SNX19: variants seen among roughly 807,000 people sequenced by gnomAD.
SNX19 encodes sorting nexin-19.
A neutral mutation model predicts 85.2 loss-of-function variants in SNX19; 60 were observed. The ratio of observed to expected loss-of-function variants is 0.70; its 90% CI spans 0.57 to 0.87. The LOEUF is 0.87. Among genes scored for constraint, SNX19 ranks in the 40% least tolerant of loss-of-function variants. The pLI, the probability that SNX19 is intolerant of heterozygous loss-of-function variation, is 0.00. For missense variants in SNX19, 1,201 were observed against 1,217.8 expected (o/e 0.99, Z 0.21); for synonymous variants, 520 against 470.0 (o/e 1.11, Z -1.38).
chr11:130,914,604 C>G lies in SNX19; in HGVS notation c.1336G>C (p.Glu446Gln). ...LPVSTLNSCP[E>Q]IHIDTADKEI... ...TTGTCTGCTGTGTCAATATGGATCT[C>G]TGGGCAGGAATTCAGTGTGGAGACC... The change falls in exon 1 of 11, where the codon GAG (glutamate) becomes CAG (glutamine). Residue 446 changes from glutamate to glutamine, a missense_variant. Glu to Gln is a conservative substitution (Grantham distance 29). Coordinates refer to ENST00000265909, the MANE Select transcript of SNX19 (RefSeq NM_014758.3). 1 of 1,613,984 alleles carries G rather than the reference C, an allele frequency of 6.2e-7. No individual in the cohort carries two copies. The highest frequency in any genetic ancestry group is 1.1e-5 in the South Asian group (1 of 91,078).
intron 8 of SNX19, among the ~76,000 whole-genome samples, chr11:130,898,301 GATA>G (rs1238426811): frequency 1.3e-5 from 2 of 152,178 alleles, no homozygotes; most frequent in Non-Finnish European, 2.9e-5. Flanking sequence ...CCTGCTTGGG[GATA>G]ATAATACTGG....
In SNX19 at chr11:130,906,631, G is replaced by T. The variant is rs371671745; in HGVS notation, c.2256C>A (p.Gly752=). Residue 752 remains glycine, a synonymous_variant, in exon 6 of 11, where the codon GGC becomes GGA. Coordinates refer to ENST00000265909, the MANE Select transcript of SNX19 (RefSeq NM_014758.3). The stretch of plus-strand genomic sequence containing the variant: ...TCTGGGTTTTGGTTCTTACCACATT[G>T]CCTTCCTGGAGACAATAAAGAATCT... ...QDKILYCLQE[G]NVESETLSMS... The T allele has an allele frequency of 9.9e-6, 16 of 1,610,352 alleles. No homozygotes were observed. In the African/African-American group the frequency reaches 2.0e-4, roughly 20 times the overall value.
rs1168012299 is a variant in SNX19, at chr11:130,915,998, T to C, written c.-59A>G. On this transcript the variant is annotated 5_prime_UTR_variant, in exon 1 of 11. Transcript: ENST00000265909. ...AGCCCTCAAGATTTTACTTCAGAGTTAGGGAAGGGGGGCATGAACTGTGTC... is the reference window on the plus strand; with the variant it reads ...AGCCCTCAAGATTTTACTTCAGAGTCAGGGAAGGGGGGCATGAACTGTGTC... 1 of 1,467,212 alleles carries C rather than the reference T, an allele frequency of 6.8e-7. No homozygotes were observed. The highest frequency in any genetic ancestry group is 2.4e-5 in the East Asian group (1 of 41,708). The allele number at this position is 1,467,212 out of a possible 1,614,324, so 90.9% of individuals were successfully genotyped here.
chr11:130,887,244 TA>T (rs1484476681), intron 8 of SNX19, among the ~76,000 whole-genome samples: 2 of 152,304 alleles, frequency 1.3e-5, no homozygotes, highest in Non-Finnish European at 2.9e-5. Flanking sequence ...TAATATGTAT[TA>T]AAAAATGGAA....
chr11:130,887,426 A>G (rs1944169652), intron 8 of SNX19, among the ~76,000 whole-genome samples: 1 of 152,222 alleles, frequency 6.6e-6, no homozygotes, highest in Admixed American at 6.5e-5. Flanking sequence ...AGGTTATTTT[A>G]TCCAGTCTCC....
At chr11:130,899,278 A>G (rs1441271405) in intron 8 of SNX19, among the ~76,000 whole-genome samples, 1 of 152,226 alleles carries the variant, frequency 6.6e-6, no homozygotes, top group Non-Finnish European at 1.5e-5. Flanking sequence ...AAAATGTGTT[A>G]GCTCCATGTC....
intron 4 of SNX19, chr11:130,908,333 C>G: frequency 3.3e-6 from 1 of 307,344 alleles, no homozygotes; most frequent in Non-Finnish European, 6.0e-6. Context: ...GAAAAGAAGC[C>G]AAAACCAATA....
rs1051491903 is a variant in SNX19, at chr11:130,866,498, A to G, written c.*11924T>C. ...CGTGCCCATTGCAATGAGTTACCCA[A>G]TCAAGCCCTTTTACCTCCTTAAGAT... On this transcript the variant is annotated 3_prime_UTR_variant, in exon 11 of 11. Transcript: ENST00000265909. 8 of 152,204 alleles carry G rather than the reference A, an allele frequency of 5.3e-5. No homozygotes were observed. The highest frequency in any genetic ancestry group is 1.2e-4 in the Non-Finnish European group (8 of 68,036). 9.4% of individuals were successfully genotyped at this position (152,204 alleles called of 1,614,324 possible). A position where few individuals can be genotyped will look rare whatever the true frequency, so the allele number is the denominator to read the frequency against.
chr11:130,900,227 T>G (rs926858158), intron 8 of SNX19, among the ~76,000 whole-genome samples: 6 of 152,216 alleles, frequency 3.9e-5, no homozygotes, highest in Non-Finnish European at 8.8e-5. Flanking sequence ...GAGGATGGCT[T>G]GAGCCCAGGA....
Position 130,880,724 on chromosome 11 carries a change from G to A in SNX19, c.2656C>T (p.Pro886Ser), listed in dbSNP as rs1025533099. 4.3e-6 allele frequency: 7 copies of A among 1,612,176 alleles called. No homozygotes were observed. Among genetic ancestry groups the A allele is most frequent in the Non-Finnish European group, 5.1e-6 (6 of 1,178,522 alleles). Residue 886 changes from proline (P) to serine (S), a missense_variant, in exon 9 of 11, where the codon CCT becomes TCT. Pro to Ser is a moderately conservative substitution (Grantham distance 74, BLOSUM62 -1). Coordinates refer to ENST00000265909, the MANE Select transcript of SNX19 (RefSeq NM_014758.3). ...YLLLLQESIW[P>S]GGVLPKFPRP... ...GGAAACTTAGGCAAAACTCCACCAG[G>A]CCAGATGGACTCCTGAAGAAGCAGG...
Position 130,916,348 on chromosome 11 carries a change from C to A in SNX19, c.-409G>T, listed in dbSNP as rs1946582732. ...CCGGGAACCGCGCGCCCACACTCAG[C>A]CCCGACCTGAAGTGGACTCATCGCG... On this transcript the variant is annotated 5_prime_UTR_variant, in exon 1 of 11. Coordinates refer to ENST00000265909, the MANE Select transcript of SNX19 (RefSeq NM_014758.3). 1.0e-5 allele frequency: 2 copies of A among 192,426 alleles called. No homozygotes were observed. The highest frequency in any genetic ancestry group is 1.1e-4 in the Admixed American group (2 of 18,876). 11.9% of individuals were successfully genotyped at this position (192,426 alleles called of 1,614,324 possible). A position where few individuals can be genotyped will look rare whatever the true frequency, so the allele number is the denominator to read the frequency against.
intron 8 of SNX19, among the ~76,000 whole-genome samples, chr11:130,900,213 G>A (rs1945167810): frequency 6.6e-6 from 1 of 152,192 alleles, no homozygotes; most frequent in Admixed American, 6.5e-5. Flanking sequence ...GGAGGCTGAG[G>A]TGGGAGGATG....
In SNX19 at chr11:130,914,582, TCTG is replaced by T; in HGVS notation, c.1355_1357del (p.Ala452del). On this transcript the variant is annotated inframe_deletion, in exon 1 of 11. Coordinates refer to ENST00000265909, the MANE Select transcript of SNX19 (RefSeq NM_014758.3). The stretch of plus-strand genomic sequence containing the variant: ...AACATCTCCTTGTTCTATCTCCTTG[TCTG>T]CTGTGTCAATATGGATCTCTGGGCA... The T allele has an allele frequency of 6.2e-7, 1 of 1,613,980 alleles. No homozygotes were observed.
At position 130,880,816 on chromosome 11, in the gene SNX19, A is replaced by G. The variant is rs1943615022; in HGVS notation, c.2574-10T>C. 3 of 1,538,694 alleles carry G rather than the reference A, an allele frequency of 1.9e-6. No homozygotes were observed. The South Asian group carries it at 3.8e-5, about 19-fold the overall frequency. On this transcript the variant is annotated splice_polypyrimidine_tract_variant and intron_variant, in intron 8 of 10. Transcript: ENST00000265909. ...CTGCACCTCTAGCCACCTGTGGTAG[A>G]AGAGAGACGAAAGCTTAGATAAAGC...
At chr11:130,912,170 T>G (rs1487072171) in intron 1 of SNX19, among the ~76,000 whole-genome samples, 2 of 152,248 alleles carry the variant, frequency 1.3e-5, no homozygotes, top group Admixed American at 1.3e-4. Context: ...CCCGTGATTA[T>G]TTATATTAGT....
rs2135240431 is a variant in SNX19, at chr11:130,867,446, T to C, written c.*10976A>G. ...AAGCTAACTGGCGGTGAGCAGGCTC[T>C]TGGACTCCATGAAAATTTAAGGATG... is the stretch of plus-strand genomic sequence containing the variant. On this transcript the variant is annotated 3_prime_UTR_variant, in exon 11 of 11. Transcript: ENST00000265909. The C allele has an allele frequency of 6.6e-6, 1 of 152,336 alleles. No homozygotes were observed. The highest frequency in any genetic ancestry group is 2.1e-4 in the South Asian group (1 of 4,828). 9.4% of individuals were successfully genotyped at this position (152,336 alleles called of 1,614,324 possible).
chr11:130,901,011 C>T (rs993383516), intron 8 of SNX19, among the ~76,000 whole-genome samples: 5 of 152,128 alleles, frequency 3.3e-5, no homozygotes, highest in Admixed American at 1.3e-4. Flanking sequence ...AAGCTAGTTC[C>T]GGTCCTTAAA....
At position 130,867,985 on chromosome 11, in the gene SNX19, C is replaced by T. The variant is rs1231689532; in HGVS notation, c.*10437G>A. The T allele has an allele frequency of 6.6e-6, 1 of 152,134 alleles. No individual in the cohort carries two copies. Among genetic ancestry groups the T allele is most frequent in the African/African-American group, 2.4e-5 (1 of 41,416 alleles). The allele number at this position is 152,134 out of a possible 1,614,324, so 9.4% of individuals were successfully genotyped here. On this transcript the variant is annotated 3_prime_UTR_variant, in exon 11 of 11. Transcript: ENST00000265909. ...GGGGAGTGAAATTTTTATGAGAACC[C>T]ACATCATAATCCTGTGACAATGCCA...
At chr11:130,910,901 T>TA (rs1946057781) in intron 2 of SNX19, among the ~76,000 whole-genome samples, 1 of 152,136 alleles carries the variant, frequency 6.6e-6, no homozygotes, top group Non-Finnish European at 1.5e-5. Context: ...TTTATTACAT[T>TA]AAAAAATATT....
Sources: allele counts gnomAD v4.1 joint callset (sites outside exome capture counted in the v4.1 genomes callset), GRCh38; gene constraint gnomAD v4.1.1; transcripts MANE v1.5; gene names NCBI Gene and HGNC (gene_info 2026-07-23, HGNC 2026-07-21).